Variants in GLIS1 observed in about 807,000 individuals in gnomAD.
The protein encoded by GLIS1 is zinc finger protein GLIS1.
Under a neutral mutation model 63.8 loss-of-function variants are expected in GLIS1, and 24 were observed. The observed-to-expected ratio is 0.38, with a 90% CI of 0.27 to 0.53. GLIS1 has a LOEUF of 0.53. Ranked by LOEUF, GLIS1 falls within the 20% of genes least tolerant of loss-of-function variation. The pLI, the probability that GLIS1 is intolerant of heterozygous loss-of-function variation, is 0.85. For missense variants in GLIS1, 1,036 were observed against 1,074.1 expected, an observed-to-expected ratio of 0.96 and a Z score of 0.50; for synonymous variants, 450 against 482.5, an observed-to-expected ratio of 0.93 and a Z score of 0.88.
intron 2 of GLIS1, among the ~76,000 whole-genome samples, chr1:53,703,952 G>C (rs1337661155): frequency 6.6e-6 from 1 of 152,188 alleles, no homozygotes; most frequent in African/African-American, 2.4e-5. Flanking sequence ...AAGCACTCCT[G>C]ATCCCTCCAC....
intron 2 of GLIS1, among the ~76,000 whole-genome samples, chr1:53,627,004 C>T (rs1244345222): frequency 1.3e-5 from 2 of 152,256 alleles, no homozygotes; most frequent in Admixed American, 1.3e-4. Flanking sequence ...CAGGGCCTGA[C>T]GTGCCGAGGC....
intron 7 of GLIS1, among the ~76,000 whole-genome samples, chr1:53,517,613 A>T (rs973219763): frequency 6.7e-6 from 1 of 149,502 alleles, no homozygotes; most frequent in African/African-American, 2.4e-5. Context: ...TCTGCTCAGG[A>T]TGGGCCTGGC....
intron 4 of GLIS1, among the ~76,000 whole-genome samples, chr1:53,561,117 A>ACTACT (rs1334348888): frequency 6.6e-6 from 1 of 152,174 alleles, no homozygotes; most frequent in Non-Finnish European, 1.5e-5. Flanking sequence ...CAGAGTGTCC[A>ACTACT]CTACTCTTCC....
At chr1:53,731,455 C>G (rs1474011749) in intron 2 of GLIS1, among the ~76,000 whole-genome samples, 2 of 152,200 alleles carry the variant, frequency 1.3e-5, no homozygotes, top group Non-Finnish European at 2.9e-5. Flanking sequence ...GCGCGCAGCT[C>G]TCTAGAGCCG....
chr1:53,728,778 G>A (rs537952027), intron 2 of GLIS1, among the ~76,000 whole-genome samples: 6 of 152,328 alleles, frequency 3.9e-5, no homozygotes, highest in East Asian at 3.9e-4. Context: ...GTCTAAGGCC[G>A]CATAAGGAAA....
chr1:53,612,697 C>G (rs892648595), intron 2 of GLIS1, among the ~76,000 whole-genome samples: 1 of 152,190 alleles, frequency 6.6e-6, no homozygotes, highest in African/African-American at 2.4e-5. Context: ...CCCACATTAC[C>G]TACAGATTGG....
At chr1:53,553,442 ATGCCTCC>A (rs1644783159) in intron 4 of GLIS1, among the ~76,000 whole-genome samples, 2 of 151,322 alleles carry the variant, frequency 1.3e-5, no homozygotes, top group South Asian at 4.1e-4. Context: ...TATTTCTCAA[ATGCCTCC>A]AAGAAGCTAA....
At chr1:53,602,541 C>T (rs1645329191) in intron 2 of GLIS1, among the ~76,000 whole-genome samples, 1 of 152,144 alleles carries the variant, frequency 6.6e-6, no homozygotes, top group Non-Finnish European at 1.5e-5. Context: ...CCCTCCTGCA[C>T]TTAGGAGGCT....
At chr1:53,606,382 C>T (rs1051750077) in intron 2 of GLIS1, among the ~76,000 whole-genome samples, 3 of 152,174 alleles carry the variant, frequency 2.0e-5, no homozygotes, top group Non-Finnish European at 4.4e-5. Context: ...CCTCTGTGCC[C>T]CAGGAGTGCT....
intron 7 of GLIS1, 113 bp from the exon 8 acceptor site, chr1:53,514,894 T>G (rs1644335183): frequency 7.9e-7 from 1 of 1,269,558 alleles, no homozygotes; most frequent in East Asian, 2.7e-5. Flanking sequence ...AGAGGGAAAA[T>G]GAACAACGTT....
Position 53,532,034 on chromosome 1 carries a change from G to C in GLIS1, c.1321-2082C>G, listed in dbSNP as rs142425362. 2.6e-3 allele frequency among the ~76,000 whole-genome samples: 397 copies of C among 152,304 alleles called. 2 individuals carry two copies. Among genetic ancestry groups the C allele is most frequent in the African/African-American group, 9.4e-3 (389 of 41,564 alleles). On this transcript the variant is annotated intron_variant, in intron 4 of 10. Transcript: ENST00000628545. ...ATGTGGGGTTCATTACGCTGGGGGT[G>C]GGCTGGGCTCTACTGGGCAAGGAGT...
chr1:53,614,954 G>A (rs1645465292), intron 2 of GLIS1, among the ~76,000 whole-genome samples: 1 of 151,930 alleles, frequency 6.6e-6, no homozygotes, highest in Non-Finnish European at 1.5e-5. Context: ...TAAATTTACT[G>A]TACATAAATT....
At chr1:53,733,520 C>T (rs976605262) in intron 2 of GLIS1, among the ~76,000 whole-genome samples, 6 of 152,150 alleles carry the variant, frequency 3.9e-5, no homozygotes, top group African/African-American at 1.4e-4. Context: ...TGCCATTTTG[C>T]CCACAGAGTC....
At chr1:53,709,593 C>G (rs148615638) in intron 2 of GLIS1, among the ~76,000 whole-genome samples, 1 of 151,796 alleles carries the variant, frequency 6.6e-6, no homozygotes, top group African/African-American at 2.4e-5. Context: ...AGGAGGTGTA[C>G]AGATGGAAGG....
chr1:53,517,506 G>A (rs1490157701), intron 7 of GLIS1, among the ~76,000 whole-genome samples: 1 of 152,100 alleles, frequency 6.6e-6, no homozygotes, highest in Non-Finnish European at 1.5e-5. Context: ...CCTGACAGCT[G>A]GGAAGGCTTA....
intron 2 of GLIS1, among the ~76,000 whole-genome samples, chr1:53,668,510 C>T (rs938964112): frequency 2.0e-5 from 3 of 152,148 alleles, no homozygotes; most frequent in African/African-American, 7.2e-5. Context: ...TATAGGTGCA[C>T]GCCACCATGC....
chr1:53,594,859 G>T lies in GLIS1; in HGVS notation c.569C>A (p.Pro190Gln). 2 of 1,587,486 alleles carry T rather than the reference G, an allele frequency of 1.3e-6. No homozygotes were observed. Among genetic ancestry groups the T allele is most frequent in the Admixed American group, 1.8e-5 (1 of 57,046 alleles). ...RTSLSAHCRGPLATGLHPDLD... is the reference protein window; with the variant it reads ...RTSLSAHCRGQLATGLHPDLD... Reference sequence around the variant, plus strand: ...GTCTGGGTGCAGGCCAGTGGCCAGCGGGCCCCGACAGTGGGCAGACAGGGA... The same window carrying T: ...GTCTGGGTGCAGGCCAGTGGCCAGCTGGCCCCGACAGTGGGCAGACAGGGA... The change falls in exon 4 of 11, where the codon CCG (proline) becomes CAG (glutamine). Residue 190 changes from proline (P) to glutamine (Q), a missense_variant. Physicochemically the swap from Pro to Gln is moderately conservative, Grantham distance 76. Around this residue, in one of 3 missense-constraint regions of GLIS1, gnomAD observed 592 missense variants for 593.9 expected, o/e 1.00. Transcript: ENST00000628545.
chr1:53,730,997 C>T (rs1016466317), intron 2 of GLIS1, among the ~76,000 whole-genome samples: 6 of 152,188 alleles, frequency 3.9e-5, no homozygotes, highest in African/African-American at 1.2e-4. Flanking sequence ...TGGGGAAGCA[C>T]GTATTCTATA....
chr1:53,544,606 G>A (rs1013499760), intron 4 of GLIS1, among the ~76,000 whole-genome samples: 3 of 152,158 alleles, frequency 2.0e-5, no homozygotes, highest in African/African-American at 4.8e-5. Context: ...CCAGCATCTC[G>A]CCGACTGACC....
Sources: allele counts gnomAD v4.1 joint callset (sites outside exome capture counted in the v4.1 genomes callset), GRCh38; gene constraint gnomAD v4.1.1; regional missense constraint gnomAD v4.1.1; transcripts MANE v1.5; gene names NCBI Gene and HGNC (gene_info 2026-07-23, HGNC 2026-07-21).